Variants in HLA-DQA1 observed in about 807,000 individuals in gnomAD.
HLA-DQA1 encodes the protein HLA class II histocompatibility antigen, DQ alpha 1 chain.
HLA-DQA1 carries 10 observed loss-of-function variants against 20.7 expected under a neutral mutation model. The observed-to-expected ratio is 0.48, with a 90% CI of 0.30 to 0.82. The LOEUF (loss-of-function observed/expected upper bound fraction) is 0.82. HLA-DQA1 is among the 40% of genes least tolerant of loss of function. HLA-DQA1 has a pLI of 0.07. For synonymous variants in HLA-DQA1, 39 were observed against 109.2 expected (o/e 0.36, Z 4.01); for missense variants, 127 against 293.0 (o/e 0.43, Z 4.14).
At chr6:32,649,725 A>G (rs144947706), downstream of HLA-DQA1, among the ~76,000 whole-genome samples, 21,304 of 95,402 alleles carry the variant, frequency 0.22, 8,253 homozygotes, top group Admixed American at 0.26. Flanking sequence ...ACCTAAAACC[A>G]TAAAAACCCC....
downstream of HLA-DQA1, chr6:32,646,090 A>G (rs1406684109): frequency 2.0e-5 from 2 of 100,280 alleles, no homozygotes; most frequent in Admixed American, 1.2e-4. Flanking sequence ...CTAAAAAATA[A>G]GAGTAAATAG....
chr6:32,651,277 A>T (rs1782173360), downstream of HLA-DQA1, among the ~76,000 whole-genome samples: 2 of 91,696 alleles, frequency 2.2e-5, no homozygotes, highest in Non-Finnish European at 4.8e-5. Flanking sequence ...TAATCAAGAA[A>T]ATCTCACTGA....
intron 2 of HLA-DQA1, among the ~76,000 whole-genome samples, 199 bp from the exon 3 acceptor site, chr6:32,641,773 T>C (rs1252574149): frequency 9.0e-5 from 11 of 122,614 alleles, no homozygotes; most frequent in Admixed American, 2.9e-4. Context: ...AACCTCCTAC[T>C]TTATTAAACA....
At chr6:32,649,471 A>G (rs139100794), downstream of HLA-DQA1, among the ~76,000 whole-genome samples, 32,096 of 95,722 alleles carry the variant, frequency 0.34, 12,857 homozygotes, top group Admixed American at 0.37. Flanking sequence ...ACAGCATGGT[A>G]CTGGTACCAA....
downstream of HLA-DQA1, among the ~76,000 whole-genome samples, chr6:32,649,185 A>G (rs1400570382): frequency 2.1e-5 from 2 of 96,704 alleles, 1 homozygote; most frequent in African/African-American, 7.1e-5. Flanking sequence ...AAGAATCAAT[A>G]TCATGAAAAT....
chr6:32,650,787 C>T (rs563839659), downstream of HLA-DQA1, among the ~76,000 whole-genome samples: 1 of 85,128 alleles, frequency 1.2e-5, no homozygotes, highest in South Asian at 3.7e-4. Flanking sequence ...CAATATGGCA[C>T]ATGTATACCT....
At chr6:32,643,768 G>C (rs1781682069), downstream of HLA-DQA1, 1 of 150,894 alleles carries the variant, frequency 6.6e-6, no homozygotes, top group African/African-American at 2.4e-5. Flanking sequence ...GGCAGGAAAA[G>C]AAATGGAAGT....
chr6:32,640,850 C>A (rs1781338721), intron 1 of HLA-DQA1, among the ~76,000 whole-genome samples: 1 of 109,864 alleles, frequency 9.1e-6, no homozygotes, highest in Non-Finnish European at 2.0e-5. Flanking sequence ...GTAGAGTGTC[C>A]TATTCTGAGC....
At chr6:32,653,854 C>A in the HLA-DQA1 span, among the ~76,000 whole-genome samples, 2 of 80,406 alleles carry the variant, frequency 2.5e-5, no homozygotes, top group African/African-American at 4.3e-5. Flanking sequence ...GTTAAAGAAC[C>A]TGGGGGACAT....
downstream of HLA-DQA1, among the ~76,000 whole-genome samples, chr6:32,648,732 T>C (rs1782079496): frequency 2.1e-5 from 2 of 97,316 alleles, 1 homozygote; most frequent in Non-Finnish European, 4.6e-5. Flanking sequence ...GAGACAAGGA[T>C]GCCCTCTCTC....
chr6:32,648,614 T>C (rs1782076815), downstream of HLA-DQA1, among the ~76,000 whole-genome samples: 2 of 96,810 alleles, frequency 2.1e-5, 1 homozygote, highest in South Asian at 6.3e-4. Context: ...ATAAACTAGG[T>C]ATTGATGGAA....
chr6:32,653,728 A>G, the HLA-DQA1 span, among the ~76,000 whole-genome samples: 899 of 83,786 alleles, frequency 0.011, 47 homozygotes, highest in Admixed American at 0.012. Flanking sequence ...ACAATGGGCA[A>G]GAGATGGAAT....
chr6:32,642,370 T>TCA, intron 3 of HLA-DQA1, 117 bp downstream of exon 3: 1 of 598,386 alleles, frequency 1.7e-6, no homozygotes, highest in Non-Finnish European at 2.6e-6. Flanking sequence ...TTCTTTTCTG[T>TCA]CTCTCTTTTT....
At chr6:32,644,404 C>T (rs1383644026), downstream of HLA-DQA1, 1 of 152,156 alleles carries the variant, frequency 6.6e-6, no homozygotes, top group Admixed American at 6.5e-5. Flanking sequence ...TACTTTGAAG[C>T]TAGTATTTTA....
Position 32,641,321 on chromosome 6 carries a change from GC to G in HLA-DQA1, c.96del (p.Ser33LeufsTer4). ...TCTTCACTCATCAGCTGACCACGTT[GC>G]CTCTTGTGGTGTAAACTTGTACCAG... ...GGEDIVADHV[A>X]SCGVNLYQFY... On this transcript the variant is annotated frameshift_variant, in exon 2 of 5. Coordinates refer to ENST00000343139, the MANE Select transcript of HLA-DQA1 (RefSeq NM_002122.5). LOFTEE classifies it high-confidence loss of function. 8.0e-7 allele frequency: 1 copy of G among 1,248,760 alleles called. No individual in the cohort carries two copies. Among genetic ancestry groups the G allele is most frequent in the Non-Finnish European group, 1.1e-6 (1 of 899,912 alleles). The allele number at this position is 1,248,760 out of a possible 1,614,324, so 77.4% of individuals were successfully genotyped here.
downstream of HLA-DQA1, chr6:32,645,032 G>A (rs1405208430): frequency 2.6e-4 from 37 of 142,062 alleles, 1 homozygote; most frequent in Non-Finnish European, 3.5e-4. Context: ...ATGATTTTCA[G>A]GGCAATAAAA....
intron 2 of HLA-DQA1, 106 bp from the exon 3 acceptor site, chr6:32,641,866 A>T: frequency 1.4e-6 from 1 of 714,282 alleles, no homozygotes; most frequent in Non-Finnish European, 2.2e-6. Flanking sequence ...GACCTCTTTG[A>T]CTATCAGGTG....
At chr6:32,644,914 A>AGGCG (rs1781788585), downstream of HLA-DQA1, 1 of 131,128 alleles carries the variant, frequency 7.6e-6, no homozygotes, top group Admixed American at 8.1e-5. Flanking sequence ...TTGGGGAAGA[A>AGGCG]GTGAAGATAG....
In HLA-DQA1 at chr6:32,641,969, C is replaced by T. The variant is rs9272744; in HGVS notation, c.332-3C>T. 365,915 of 1,412,026 alleles carry T rather than the reference C, an allele frequency of 0.26. 72,043 individuals carry two copies. The highest frequency in any genetic ancestry group is 0.28 in the Non-Finnish European group (297,664 of 1,048,104). 87.5% of individuals were successfully genotyped at this position (1,412,026 alleles called of 1,614,324 possible). On this transcript the variant is annotated splice_polypyrimidine_tract_variant and splice_region_variant and intron_variant, in intron 2 of 4. Transcript: ENST00000343139. The stretch of plus-strand genomic sequence containing the variant: ...TCACACCAGTGCTGTTTCCTCACCA[C>T]AGAGGTTCCTGAGGTCACAGTGTTT...
Sources: allele counts gnomAD v4.1 joint callset (sites outside exome capture counted in the v4.1 genomes callset), GRCh38; gene constraint gnomAD v4.1.1; transcripts MANE v1.5; gene names NCBI Gene and HGNC (gene_info 2026-07-23, HGNC 2026-07-21).